The following ROBO1 variants were observed in gnomAD, a reference collection of about 807,000 sequenced individuals.
The protein encoded by ROBO1 is roundabout homolog 1.
ROBO1 carries 149 observed loss-of-function variants against 195.9 expected under a neutral mutation model. The ratio of observed to expected loss-of-function variants is 0.76; its 90% CI spans 0.67 to 0.87. ROBO1 has a LOEUF of 0.87. Ranked by LOEUF, ROBO1 falls within the 40% of genes least tolerant of loss-of-function variation. ROBO1 has a pLI of 0.00. For synonymous variants in ROBO1, 816 were observed against 733.2 expected (o/e 1.11, Z -1.82); for missense variants, 1,933 against 2,068.3 (o/e 0.93, Z 1.27).
intron 3 of ROBO1, among the ~76,000 whole-genome samples, chr3:79,056,356 G>T (rs1300805872): frequency 6.6e-6 from 1 of 151,876 alleles, no homozygotes; most frequent in African/African-American, 2.4e-5. Flanking sequence ...CATTTTAATT[G>T]CCGACCCCAC....
chr3:78,916,871 A>G (rs2038631436), intron 4 of ROBO1, among the ~76,000 whole-genome samples: 1 of 152,182 alleles, frequency 6.6e-6, no homozygotes, highest in Non-Finnish European at 1.5e-5. Flanking sequence ...ATGGTGGCTA[A>G]AAACTGTCAT....
chr3:79,438,008 G>GT (rs1317550966), intron 2 of ROBO1, among the ~76,000 whole-genome samples: 1 of 151,614 alleles, frequency 6.6e-6, no homozygotes, highest in African/African-American at 2.4e-5. Context: ...AATCTTCTTG[G>GT]TTTTTTTCTT....
rs76670555 is a variant in ROBO1 at position 79,479,410 on chromosome 3, G to C, written c.88+110414C>G. ...ATTGAATGTCCCGCCTTTCTGACAG[G>C]AGGCAGAGCTCAGGCGGTAATACTT... On this transcript the variant is annotated intron_variant, in intron 2 of 30. Transcript: ENST00000464233. Among the ~76,000 whole-genome samples the C allele has an allele frequency of 2.3e-3, 343 of 152,282 alleles. 2 individuals carry two copies. Among genetic ancestry groups the C allele is most frequent in the African/African-American group, 7.7e-3 (321 of 41,558 alleles).
rs1575954994 is a variant in ROBO1, at chr3:79,517,580, T to C, written c.88+72244A>G. 2.0e-5 allele frequency among the ~76,000 whole-genome samples: 3 copies of C among 152,322 alleles called. No homozygotes were observed. In the South Asian group the frequency reaches 6.2e-4, roughly 32 times the overall value. On this transcript the variant is annotated intron_variant, in intron 2 of 30. Coordinates refer to ENST00000464233, the MANE Select transcript of ROBO1 (RefSeq NM_002941.4). ...ATATCTGTGACTTTCAAAGTACTAA[T>C]GTAATAGCACTAAATGGCTCCTAAA...
At chr3:79,018,677 T>C in intron 3 of ROBO1, 1 of 1,373,018 alleles carries the variant, frequency 7.3e-7, no homozygotes, top group Non-Finnish European at 9.4e-7. Context: ...AAGGTTTGTC[T>C]TCTCCGGCCC....
intron 8 of ROBO1, among the ~76,000 whole-genome samples, chr3:78,705,183 C>A (rs2081520063): frequency 6.6e-6 from 1 of 152,024 alleles, no homozygotes; most frequent in South Asian, 2.1e-4. Context: ...AAAACAATAA[C>A]CAAACTTCAC....
intron 26 of ROBO1, among the ~76,000 whole-genome samples, chr3:78,625,387 AT>A (rs1239055823): frequency 6.6e-6 from 1 of 152,226 alleles, no homozygotes; most frequent in Non-Finnish European, 1.5e-5. Flanking sequence ...CATTGGTCAA[AT>A]AAATAATGGT....
chr3:78,691,839 A>G (rs1218068433), intron 8 of ROBO1, among the ~76,000 whole-genome samples: 1 of 152,092 alleles, frequency 6.6e-6, no homozygotes, highest in Admixed American at 6.6e-5. Flanking sequence ...TCTTCACACT[A>G]TCTTTTCATT....
At position 79,006,771 on chromosome 3, in the gene ROBO1, A is replaced by C. The variant is rs1158887814; in HGVS notation, c.173-67844T>G. Among the ~76,000 whole-genome samples the C allele has an allele frequency of 3.5e-4, 53 of 151,710 alleles. 1 individual carries two copies. Among genetic ancestry groups the C allele is most frequent in the African/African-American group, 1.3e-3 (52 of 41,320 alleles). ...ACAAAATATCGGAAAAAAAAAAAAAAAAAAACAGACTCTCATAAGTTTTAT... is the reference window on the plus strand; with the variant it reads ...ACAAAATATCGGAAAAAAAAAAAAACAAAAACAGACTCTCATAAGTTTTAT... On this transcript the variant is annotated intron_variant, in intron 3 of 30. Transcript: ENST00000464233.
At chr3:79,307,663 CAAT>C (rs1217680435) in intron 2 of ROBO1, among the ~76,000 whole-genome samples, 2 of 151,936 alleles carry the variant, frequency 1.3e-5, no homozygotes, top group Non-Finnish European at 1.5e-5. Context: ...ATAATTATCT[CAAT>C]GATGTATTTA....
chr3:79,217,361 T>C (rs1244723605), intron 2 of ROBO1, among the ~76,000 whole-genome samples: 6 of 152,138 alleles, frequency 3.9e-5, no homozygotes, highest in East Asian at 3.9e-4. Flanking sequence ...GTAAGACAGA[T>C]ACAATTTCAG....
At chr3:78,989,606 G>A (rs1397362745) in intron 3 of ROBO1, among the ~76,000 whole-genome samples, 2 of 152,014 alleles carry the variant, frequency 1.3e-5, no homozygotes, top group Non-Finnish European at 2.9e-5. Flanking sequence ...AGAGTGAGAC[G>A]CTGTCTGAAA....
intron 3 of ROBO1, among the ~76,000 whole-genome samples, chr3:79,108,413 C>T (rs1241757170): frequency 6.6e-6 from 1 of 151,636 alleles, no homozygotes; most frequent in African/African-American, 2.4e-5. Flanking sequence ...ATAAAGTTAG[C>T]ACATTCATAC....
chr3:78,712,929 G>GT (rs2081800053), intron 8 of ROBO1, among the ~76,000 whole-genome samples: 1 of 152,292 alleles, frequency 6.6e-6, no homozygotes, highest in South Asian at 2.1e-4. Context: ...ACTGACTAAC[G>GT]TAATAGACAG....
chr3:78,937,377 CAT>C (rs1491066451), intron 4 of ROBO1, among the ~76,000 whole-genome samples: 1 of 151,708 alleles, frequency 6.6e-6, no homozygotes, highest in Non-Finnish European at 1.5e-5. Flanking sequence ...CATATATTAA[CAT>C]ATCAATTATC....
intron 1 of ROBO1, among the ~76,000 whole-genome samples, chr3:79,727,690 A>G (rs1702979307): frequency 6.6e-6 from 1 of 152,104 alleles, no homozygotes; most frequent in Non-Finnish European, 1.5e-5. Context: ...CTATGGAAAC[A>G]TTTTTCATTT....
At chr3:78,688,130 T>A (rs778176883) in intron 9 of ROBO1, among the ~76,000 whole-genome samples, 1 of 152,212 alleles carries the variant, frequency 6.6e-6, no homozygotes, top group Non-Finnish European at 1.5e-5. Flanking sequence ...TTACAGCAAA[T>A]GTTGACTGCA....
At chr3:79,731,473 C>T (rs1340296625) in intron 1 of ROBO1, among the ~76,000 whole-genome samples, 1 of 151,954 alleles carries the variant, frequency 6.6e-6, no homozygotes, top group Non-Finnish European at 1.5e-5. Flanking sequence ...GGTGCTGACC[C>T]CTGGTTAGGA....
At chr3:79,594,711 T>C (rs1175503493) in intron 1 of ROBO1, among the ~76,000 whole-genome samples, 2 of 152,026 alleles carry the variant, frequency 1.3e-5, no homozygotes, top group African/African-American at 2.4e-5. Flanking sequence ...AATAGCCACA[T>C]CATTGGGTGA....
Sources: gnomAD v4.1 joint callset for allele counts (sites outside exome capture counted in the v4.1 genomes callset) on GRCh38, gnomAD v4.1.1 for gene constraint, MANE v1.5 for transcripts, NCBI Gene and HGNC (gene_info 2026-07-23, HGNC 2026-07-21) for gene names.